The following MCF2L variants were observed in gnomAD, a reference collection of about 807,000 sequenced individuals.
MCF2L encodes the protein MCF.2 cell line derived transforming sequence like, also known as guanine nucleotide exchange factor DBS.
In MCF2L, 97 loss-of-function variants were observed where a neutral mutation model predicts 153.4. The ratio of observed to expected loss-of-function variants is 0.63; its 90% CI spans 0.54 to 0.75. MCF2L has a LOEUF of 0.75. Among genes scored for constraint, MCF2L ranks in the 30% least tolerant of loss-of-function variants. The pLI, the probability that MCF2L is intolerant of heterozygous loss-of-function variation, is 0.00. For missense variants in MCF2L, 1,347 were observed against 1,495.2 expected (o/e 0.90, Z 1.64); for synonymous variants, 659 against 632.2 (o/e 1.04, Z -0.64).
chr13:113,092,490 C>T (rs1252189264), intron 26 of MCF2L, among the ~76,000 whole-genome samples: 1 of 152,258 alleles, frequency 6.6e-6, no homozygotes. Context: ...GAAGCCGGGC[C>T]ACTGCCCGTG....
Position 113,076,039 on chromosome 13 carries a change from G to A in MCF2L, c.1382G>A (p.Gly461Asp), listed in dbSNP as rs1566849849. 2 of 1,614,106 alleles carry A rather than the reference G, an allele frequency of 1.2e-6. No individual in the cohort carries two copies. The highest frequency in any genetic ancestry group is 1.7e-6 in the Non-Finnish European group (2 of 1,180,000). ...GTGGACAAGTGCCAGTCCCAGGACG[G>A]CGCGGAGGCTGCCCTCCAGGAAATC... ...QPVDKCQSQD[G>D]AEAALQEIEK... Residue 461 changes from glycine (G) to aspartate (D), a missense_variant, in exon 12 of 30, where the codon GGC becomes GAC. Gly to Asp is a moderately conservative substitution (Grantham distance 94). Transcript: ENST00000535094.
At chr13:113,063,571 T>G (rs1051110772) in intron 5 of MCF2L, among the ~76,000 whole-genome samples, 4 of 152,282 alleles carry the variant, frequency 2.6e-5, no homozygotes, top group Admixed American at 1.3e-4. Context: ...AATCTAGGCT[T>G]GGCTTTGCAA....
chr13:113,001,872 G>T, intron 1 of MCF2L: 1 of 1,562,668 alleles, frequency 6.4e-7, no homozygotes. Context: ...AGGGCGTTCC[G>T]GGAGCCGGGT....
chr13:113,014,695 C>T (rs2084394473), intron 1 of MCF2L, 68 bp from the exon 2 acceptor site: 7 of 1,336,458 alleles, frequency 5.2e-6, no homozygotes, highest in South Asian at 2.5e-5. Flanking sequence ...CGTGTGGGAT[C>T]GGGTGGGCGC....
intron 2 of MCF2L, among the ~76,000 whole-genome samples, chr13:112,952,604 TTGGGGCATATCTGG>T (rs1209818895): frequency 6.6e-6 from 1 of 152,180 alleles, no homozygotes; most frequent in African/African-American, 2.4e-5. Context: ...TGTGGATTGT[TTGGGGCATATCTGG>T]TGGGGAGAAT....
chr13:112,906,943 GATAAAAGAACAA>G (rs2081178995), intron 2 of MCF2L, among the ~76,000 whole-genome samples: 1 of 152,208 alleles, frequency 6.6e-6, no homozygotes, highest in Non-Finnish European at 1.5e-5. Context: ...AAGCTTTGAG[GATAAAAGAACAA>G]GTGGAAGACA....
rs2085174878 is a variant in MCF2L at position 113,025,259 on chromosome 13, G to A, written c.278+501G>A. Reference sequence around the variant, plus strand: ...AGTCCCTGTGAGATTTCCCCGTCATGGGGTCCCCGTGACTGTGGGTCAGGG... The same window carrying A: ...AGTCCCTGTGAGATTTCCCCGTCATAGGGTCCCCGTGACTGTGGGTCAGGG... On this transcript the variant is annotated intron_variant, in intron 3 of 29. Transcript: ENST00000535094. Among the ~76,000 whole-genome samples the A allele has an allele frequency of 1.9e-5, 2 of 107,978 alleles. 1 individual carries two copies. The highest frequency in any genetic ancestry group is 3.9e-5 in the Non-Finnish European group (2 of 51,652). 70.8% of individuals were successfully genotyped at this position (107,978 alleles called of 152,430 possible).
Position 112,913,014 on chromosome 13 carries a change from GTGTC to G in MCF2L, c.169+10646_169+10649del, listed in dbSNP as rs1289721645. ...GATTGTGTGTCTGTGGTGTATCTCT[GTGTC>G]TGGGTGTGTCTGTGATTGTGTGTCT... On this transcript the variant is annotated intron_variant, in intron 2 of 29. Coordinates refer to the MCF2L transcript ENST00000375608. Among the ~76,000 whole-genome samples the G allele has an allele frequency of 1.0e-4, 15 of 149,378 alleles. No homozygotes were observed. In the East Asian group the frequency reaches 2.0e-3, roughly 20 times the overall value.
intron 7 of MCF2L, 43 bp downstream of exon 7, chr13:113,065,128 G>T (rs760754543): frequency 1.9e-6 from 3 of 1,607,614 alleles, no homozygotes; most frequent in Non-Finnish European, 2.5e-6. Context: ...GGGGGCTCCG[G>T]TCAGTCAGAA....
At chr13:112,950,884 G>A (rs570128299) in intron 2 of MCF2L, among the ~76,000 whole-genome samples, 81 of 152,232 alleles carry the variant, frequency 5.3e-4, no homozygotes, top group African/African-American at 1.9e-3. Context: ...TGATAGATTC[G>A]ACCTTACCAG....
intron 1 of MCF2L, among the ~76,000 whole-genome samples, chr13:112,978,200 C>G (rs1336247228): frequency 6.6e-6 from 1 of 152,226 alleles, no homozygotes; most frequent in Non-Finnish European, 1.5e-5. Context: ...TGCACACAAG[C>G]CCCCAACAAA....
In MCF2L at chr13:113,075,101, G is replaced by A. The variant is rs367959410; in HGVS notation, c.1220G>A (p.Arg407Gln). The change falls in exon 11 of 30, where the codon CGG (arginine) becomes CAG (glutamine). Residue 407 changes from arginine to glutamine, a missense_variant. Arg to Gln is a conservative substitution (Grantham distance 43, BLOSUM62 1). Coordinates refer to ENST00000535094, the MANE Select transcript of MCF2L (RefSeq NM_001112732.3). ...DSIRPKCQELRHLCDQFSAEI... is the reference protein window; with the variant it reads ...DSIRPKCQELQHLCDQFSAEI... Reference sequence around the variant, plus strand: ...ATCCGCCCAAAGTGCCAGGAGCTCCGGCACCTCTGTGACCAGTTCTCTGCG... The same window carrying A: ...ATCCGCCCAAAGTGCCAGGAGCTCCAGCACCTCTGTGACCAGTTCTCTGCG... The A allele has an allele frequency of 8.6e-5, 139 of 1,613,638 alleles. No individual in the cohort carries two copies. Among genetic ancestry groups the A allele is most frequent in the Admixed American group, 4.0e-4 (24 of 60,026 alleles).
At chr13:113,023,837 C>T (rs895388052) in intron 2 of MCF2L, among the ~76,000 whole-genome samples, 2 of 152,214 alleles carry the variant, frequency 1.3e-5, no homozygotes, top group African/African-American at 4.8e-5. Context: ...TGCCCTTTCA[C>T]AAAGTCCACC....
chr13:113,095,918 A>C, intron 27 of MCF2L: 15 of 546,852 alleles, frequency 2.7e-5, no homozygotes, highest in Non-Finnish European at 3.3e-5. Context: ...CTCCACTCTT[A>C]CAGTGAGGAG....
At chr13:112,975,877 G>A (rs1208674551) in intron 1 of MCF2L, among the ~76,000 whole-genome samples, 8 of 152,222 alleles carry the variant, frequency 5.3e-5, no homozygotes, top group East Asian at 1.9e-4. Flanking sequence ...GCTCGAGCCC[G>A]GGCTTCAGCA....
chr13:113,087,832 A>C lies in MCF2L; in HGVS notation c.2688+33A>C, dbSNP rs369600601. ...ACCCACCCTACCCCTGGCCTCTTAC[A>C]CATTGCCACGAATGGTTTCTCATGG... is the stretch of plus-strand genomic sequence containing the variant. On this transcript the variant is annotated intron_variant, in intron 23 of 29. Coordinates refer to ENST00000535094, the MANE Select transcript of MCF2L (RefSeq NM_001112732.3). 4.0e-5 allele frequency: 62 copies of C among 1,558,844 alleles called. No homozygotes were observed. The African/African-American group carries it at 7.6e-4, about 19-fold the overall frequency.
rs144351365 is a variant in MCF2L at position 113,064,345 on chromosome 13, C to T, written c.531C>T (p.Ile177=). The stretch of plus-strand genomic sequence containing the variant: ...CCGTACCAGACTTACACGGTTACAT[C>T]GATAAGTCGCAGCTGACCGAGGACC... ...LSSVPDLHGY[I]DKSQLTEDLG... The change falls in exon 6 of 30, where the codon ATC becomes ATT. Residue 177 remains isoleucine, a synonymous_variant. Transcript: ENST00000535094. The surrounding 1 kb of genome is among the most constrained non-coding windows in gnomAD (Gnocchi z 6.0). The T allele has an allele frequency of 4.3e-4, 698 of 1,612,884 alleles. No homozygotes were observed. The highest frequency in any genetic ancestry group is 5.6e-4 in the Non-Finnish European group (658 of 1,179,930).
intron 2 of MCF2L, among the ~76,000 whole-genome samples, chr13:112,910,861 C>G (rs1566631749): frequency 6.6e-6 from 1 of 152,250 alleles, no homozygotes; most frequent in Non-Finnish European, 1.5e-5. Flanking sequence ...TGTTAATTAC[C>G]TAACACTTTT....
chr13:112,984,496 C>A (rs2082556874), intron 1 of MCF2L, among the ~76,000 whole-genome samples: 1 of 152,168 alleles, frequency 6.6e-6, no homozygotes, highest in East Asian at 1.9e-4. Flanking sequence ...CCTCAGCCTC[C>A]CAAAGTGCTG....
Sources: allele counts gnomAD v4.1 joint callset (sites outside exome capture counted in the v4.1 genomes callset), GRCh38; gene constraint gnomAD v4.1.1; non-coding constraint Gnocchi (gnomAD v3.1); transcripts MANE v1.5; gene names NCBI Gene and HGNC (gene_info 2026-07-23, HGNC 2026-07-21).